FNIP2: variants seen among roughly 807,000 people sequenced by gnomAD.
FNIP2 encodes folliculin interacting protein 2.
In FNIP2, 32 loss-of-function variants were observed where a neutral mutation model predicts 108.7. The ratio of observed to expected loss-of-function variants is 0.29; its 90% CI spans 0.22 to 0.40. The LOEUF is 0.40. FNIP2 is among the 10% of genes least tolerant of loss of function. The pLI, the probability that FNIP2 is intolerant of heterozygous loss-of-function variation, is 1.00. For missense variants in FNIP2, 1,202 were observed against 1,381.6 expected (o/e 0.87, Z 2.06); for synonymous variants, 480 against 496.7 (o/e 0.97, Z 0.45).
intron 1 of FNIP2, among the ~76,000 whole-genome samples, chr4:158,824,009 T>C (rs1279419715): frequency 6.6e-6 from 1 of 152,224 alleles, no homozygotes; most frequent in Non-Finnish European, 1.5e-5. Context: ...GAACTTTATA[T>C]GTTTTGCCGT....
At chr4:158,814,465 T>C (rs1777454703) in intron 1 of FNIP2, among the ~76,000 whole-genome samples, 2 of 152,234 alleles carry the variant, frequency 1.3e-5, no homozygotes, top group South Asian at 4.1e-4. Flanking sequence ...GCATGTGCTG[T>C]GCAGTTCTTA....
intron 5 of FNIP2, among the ~76,000 whole-genome samples, chr4:158,832,805 C>G: frequency 6.6e-6 from 1 of 152,144 alleles, no homozygotes; most frequent in Admixed American, 6.5e-5. Context: ...TTTTAACAGA[C>G]CCTTGGGATT....
intron 14 of FNIP2, among the ~76,000 whole-genome samples, chr4:158,878,833 A>C (rs1781425384): frequency 6.6e-6 from 1 of 152,174 alleles, no homozygotes; most frequent in Non-Finnish European, 1.5e-5. Context: ...AAAAGAGAGG[A>C]TAATGTGATA....
intron 16 of FNIP2, among the ~76,000 whole-genome samples, chr4:158,899,012 G>A (rs911701411): frequency 2.6e-5 from 4 of 152,168 alleles, no homozygotes; most frequent in African/African-American, 4.8e-5. Flanking sequence ...TTTGGGATAC[G>A]TTCCCTCAAT....
chr4:158,784,532 C>G (rs1776153318), intron 1 of FNIP2, among the ~76,000 whole-genome samples: 1 of 152,178 alleles, frequency 6.6e-6, no homozygotes, highest in Non-Finnish European at 1.5e-5. Flanking sequence ...TACAACTCAC[C>G]AAATGCATAA....
At position 158,836,644 on chromosome 4, in the gene FNIP2, CAA is replaced by C. The variant is rs200077976; in HGVS notation, c.727+1181_727+1182del. 103 of 123,538 alleles carry C rather than the reference CAA, an allele frequency of 8.3e-4. 1 individual carries two copies. Among genetic ancestry groups the C allele is most frequent in the South Asian group, 8.1e-3 (31 of 3,806 alleles). 7.7% of individuals were successfully genotyped at this position (123,538 alleles called of 1,614,324 possible). A position where few individuals can be genotyped will look rare whatever the true frequency, so the allele number is the denominator to read the frequency against. ...CGAAACTCCATCTCTACTAAAAATA[CAA>C]AAAAAAAAAAAAGAAAGAAATTAGC... On this transcript the variant is annotated intron_variant, in intron 7 of 16. Coordinates refer to ENST00000264433, the MANE Select transcript of FNIP2 (RefSeq NM_020840.3).
intron 1 of FNIP2, among the ~76,000 whole-genome samples, chr4:158,789,348 G>A (rs1265814620): frequency 1.3e-5 from 2 of 152,046 alleles, no homozygotes; most frequent in African/African-American, 4.8e-5. Context: ...AGAAATCACA[G>A]GCTTTTACCA....
At chr4:158,875,991 A>G (rs771691276) in intron 14 of FNIP2, among the ~76,000 whole-genome samples, 10 of 152,150 alleles carry the variant, frequency 6.6e-5, no homozygotes, top group Non-Finnish European at 1.2e-4. Flanking sequence ...GTGTGTGTGT[A>G]TTTATACACA....
intron 8 of FNIP2, among the ~76,000 whole-genome samples, chr4:158,857,694 G>A (rs1780060521): frequency 6.6e-6 from 1 of 151,262 alleles, no homozygotes; most frequent in Admixed American, 6.6e-5. Context: ...TGTAATCCCA[G>A]CACTTTGGGA....
At chr4:158,785,489 T>G (rs1275392383) in intron 1 of FNIP2, among the ~76,000 whole-genome samples, 3 of 152,130 alleles carry the variant, frequency 2.0e-5, no homozygotes, top group Non-Finnish European at 2.9e-5. Flanking sequence ...TGATTCGTTC[T>G]TTCTTTAATT....
intron 14 of FNIP2, among the ~76,000 whole-genome samples, chr4:158,887,736 C>CAAA (rs10645281): frequency 0.038 from 2,718 of 70,744 alleles, 102 homozygotes; most frequent in Middle Eastern, 0.068. Flanking sequence ...GACTCTGTCT[C>CAAA]AAAAAAAAAA....
chr4:158,843,507 T>A (rs899196424), intron 7 of FNIP2, among the ~76,000 whole-genome samples: 1 of 152,250 alleles, frequency 6.6e-6, no homozygotes, highest in Non-Finnish European at 1.5e-5. Flanking sequence ...TCACAGATTT[T>A]ATATTCAATA....
At chr4:158,801,237 G>A (rs957725463) in intron 1 of FNIP2, among the ~76,000 whole-genome samples, 1 of 152,126 alleles carries the variant, frequency 6.6e-6, no homozygotes, top group African/African-American at 2.4e-5. Context: ...CACAGGAATT[G>A]TTTATAGGGG....
intron 14 of FNIP2, among the ~76,000 whole-genome samples, chr4:158,873,382 T>C (rs1781074063): frequency 6.6e-6 from 1 of 152,132 alleles, no homozygotes; most frequent in Non-Finnish European, 1.5e-5. Flanking sequence ...GTTTTTGTTT[T>C]TGTTTTTGTT....
chr4:158,882,058 G>C (rs1414920053), intron 14 of FNIP2, among the ~76,000 whole-genome samples: 11 of 151,098 alleles, frequency 7.3e-5, no homozygotes, highest in Admixed American at 7.2e-4. Context: ...GATGTGGGGA[G>C]TGCCTCTGCC....
chr4:158,785,846 A>C (rs1776209339), intron 1 of FNIP2, among the ~76,000 whole-genome samples: 1 of 152,154 alleles, frequency 6.6e-6, no homozygotes. Context: ...TTTACATATG[A>C]AGGCAAAGTA....
At chr4:158,882,663 T>C in intron 14 of FNIP2, among the ~76,000 whole-genome samples, 1 of 152,250 alleles carries the variant, frequency 6.6e-6, no homozygotes, top group Non-Finnish European at 1.5e-5. Context: ...GAAAAATTCT[T>C]CTGCCTTGGG....
chr4:158,827,254 T>A (rs1778209055), intron 2 of FNIP2, among the ~76,000 whole-genome samples: 1 of 152,236 alleles, frequency 6.6e-6, no homozygotes, highest in African/African-American at 2.4e-5. Context: ...AGGAGATGGT[T>A]TACCTCTTAG....
chr4:158,806,308 T>A, intron 1 of FNIP2: 1 of 1,289,418 alleles, frequency 7.8e-7, no homozygotes, highest in Non-Finnish European at 1.0e-6. Flanking sequence ...CTCTGCCAGA[T>A]GTGTGAGTGA....
Sources: gnomAD v4.1 joint callset for allele counts (sites outside exome capture counted in the v4.1 genomes callset) on GRCh38, gnomAD v4.1.1 for gene constraint, MANE v1.5 for transcripts, NCBI Gene and HGNC (gene_info 2026-07-23, HGNC 2026-07-21) for gene names.